Variants in MACROD2 observed in about 807,000 individuals in gnomAD.
MACROD2 encodes the protein ADP-ribose glycohydrolase MACROD2.
In MACROD2, 36 loss-of-function variants were observed where a neutral mutation model predicts 70.4. The ratio of observed to expected loss-of-function variants is 0.51; its 90% CI spans 0.39 to 0.68. MACROD2 has a LOEUF of 0.68. Among genes scored for constraint, MACROD2 ranks in the 30% least tolerant of loss-of-function variants. MACROD2 has a pLI of 0.00. For synonymous variants in MACROD2, 172 were observed against 178.8 expected, an observed-to-expected ratio of 0.96 and a Z score of 0.30; for missense variants, 496 against 538.4, an observed-to-expected ratio of 0.92 and a Z score of 0.78.
intron 5 of MACROD2, among the ~76,000 whole-genome samples, chr20:15,190,702 A>G (rs2076564597): frequency 6.6e-6 from 1 of 152,198 alleles, no homozygotes; most frequent in Admixed American, 6.5e-5. Flanking sequence ...CACCAGGCCC[A>G]GTCAGCAGGC....
chr20:14,286,543 G>A (rs1286180076), intron 3 of MACROD2, among the ~76,000 whole-genome samples: 1 of 151,920 alleles, frequency 6.6e-6, no homozygotes, highest in Non-Finnish European at 1.5e-5. Context: ...ATCATCTTTT[G>A]AATTATTGAC....
In MACROD2 at chr20:15,708,781, T is replaced by C. The variant is rs184325959; in HGVS notation, c.646-153964T>C. Among the ~76,000 whole-genome samples the C allele has an allele frequency of 5.3e-5, 8 of 151,984 alleles. No individual in the cohort carries two copies. In the East Asian group the frequency reaches 1.5e-3, roughly 29 times the overall value. On this transcript the variant is annotated intron_variant, in intron 8 of 17. Coordinates refer to ENST00000684519, the MANE Select transcript of MACROD2 (RefSeq NM_001351661.2). ...TGGCTCACACCTGTGATCCCAGCAC[T>C]TTGGGAGCTGAGGCAGGAGGATTGT...
intron 4 of MACROD2, among the ~76,000 whole-genome samples, chr20:14,607,467 C>T (rs1982878173): frequency 6.6e-6 from 1 of 152,110 alleles, no homozygotes; most frequent in Non-Finnish European, 1.5e-5. Flanking sequence ...GCAGTTATGT[C>T]TCAACTGCAC....
chr20:14,377,232 T>C (rs1218483490), intron 3 of MACROD2, among the ~76,000 whole-genome samples: 2 of 152,240 alleles, frequency 1.3e-5, no homozygotes, highest in African/African-American at 4.8e-5. Context: ...GCTTGTACTC[T>C]TATTGCTAAG....
intron 5 of MACROD2, among the ~76,000 whole-genome samples, chr20:15,171,593 C>T (rs1467986141): frequency 6.6e-6 from 1 of 152,096 alleles, no homozygotes; most frequent in African/African-American, 2.4e-5. Flanking sequence ...TTAGCCCTTA[C>T]ATCCCACCAT....
At chr20:14,785,819 A>G (rs1255638822) in intron 5 of MACROD2, among the ~76,000 whole-genome samples, 2 of 152,018 alleles carry the variant, frequency 1.3e-5, no homozygotes, top group South Asian at 2.1e-4. Flanking sequence ...TTTGTCTTCC[A>G]TCTTCAGTGT....
chr20:14,008,502 A>G (rs1027462335), intron 2 of MACROD2, among the ~76,000 whole-genome samples: 2 of 152,238 alleles, frequency 1.3e-5, no homozygotes, highest in African/African-American at 2.4e-5. Flanking sequence ...TTCCGTGCTC[A>G]TAGATAGGAA....
At chr20:14,665,182 A>G (rs553529607) in intron 4 of MACROD2, among the ~76,000 whole-genome samples, 7 of 152,296 alleles carry the variant, frequency 4.6e-5, no homozygotes, top group Admixed American at 1.3e-4. Flanking sequence ...TACACAACGC[A>G]TGACAGGTGC....
chr20:14,160,672 A>T (rs1264045974), intron 3 of MACROD2, among the ~76,000 whole-genome samples: 1 of 151,918 alleles, frequency 6.6e-6, no homozygotes, highest in Admixed American at 6.6e-5. Context: ...AAAACAACTA[A>T]ATTTCCATTT....
chr20:15,236,660 C>T (rs181022120), intron 6 of MACROD2, among the ~76,000 whole-genome samples: 264 of 152,238 alleles, frequency 1.7e-3, no homozygotes, highest in South Asian at 0.017. Flanking sequence ...AGGATATGAG[C>T]CAAAACCAAG....
chr20:14,086,440 C>T (rs1260176839), intron 3 of MACROD2, among the ~76,000 whole-genome samples: 1 of 152,130 alleles, frequency 6.6e-6, no homozygotes, highest in Admixed American at 6.6e-5. Context: ...TTGAAGTTTG[C>T]AAGTGTCAAT....
chr20:15,109,084 A>G (rs1307093821), intron 5 of MACROD2, among the ~76,000 whole-genome samples: 2 of 152,184 alleles, frequency 1.3e-5, no homozygotes, highest in Non-Finnish European at 2.9e-5. Flanking sequence ...TCACTTTCAT[A>G]TTGCCTATGG....
At chr20:15,242,101 T>C (rs1404063942) in intron 6 of MACROD2, among the ~76,000 whole-genome samples, 4 of 152,208 alleles carry the variant, frequency 2.6e-5, no homozygotes, top group Non-Finnish European at 5.9e-5. Context: ...GTCAACATTA[T>C]GAACCTCTTG....
intron 3 of MACROD2, among the ~76,000 whole-genome samples, chr20:14,279,426 T>G (rs2082286185): frequency 6.7e-6 from 1 of 150,230 alleles, no homozygotes; most frequent in Admixed American, 6.6e-5. Flanking sequence ...CTTGGTAGAT[T>G]TATGTTACCT....
chr20:14,521,423 C>T (rs1442681453), intron 4 of MACROD2, among the ~76,000 whole-genome samples: 1 of 152,220 alleles, frequency 6.6e-6, no homozygotes, highest in Non-Finnish European at 1.5e-5. Flanking sequence ...TGCCAGGCAG[C>T]ATACTAAGTA....
intron 3 of MACROD2, among the ~76,000 whole-genome samples, chr20:14,110,923 A>G (rs1352286976): frequency 3.3e-5 from 5 of 152,058 alleles, no homozygotes; most frequent in African/African-American, 7.2e-5. Flanking sequence ...AGCCAAAGCT[A>G]TCCTGAACAA....
At chr20:14,089,784 G>A (rs1039240611) in intron 3 of MACROD2, among the ~76,000 whole-genome samples, 7 of 152,112 alleles carry the variant, frequency 4.6e-5, no homozygotes, top group African/African-American at 1.7e-4. Context: ...AATAATGATA[G>A]AAAAGACAAA....
intron 3 of MACROD2, among the ~76,000 whole-genome samples, chr20:14,483,280 A>T (rs2084683374): frequency 6.6e-6 from 1 of 152,232 alleles, no homozygotes; most frequent in Non-Finnish European, 1.5e-5. Flanking sequence ...TAGAATTATC[A>T]TGGGGACATG....
chr20:14,006,977 C>T (rs2052832746), intron 2 of MACROD2, among the ~76,000 whole-genome samples: 1 of 152,054 alleles, frequency 6.6e-6, no homozygotes, highest in South Asian at 2.1e-4. Context: ...GTCATTGTCT[C>T]CCTCAGTAGT....
Sources: allele counts gnomAD v4.1 joint callset (sites outside exome capture counted in the v4.1 genomes callset), GRCh38; gene constraint gnomAD v4.1.1; transcripts MANE v1.5; gene names NCBI Gene and HGNC (gene_info 2026-07-23, HGNC 2026-07-21).